Variants in KDM5B observed in about 807,000 individuals in gnomAD.
KDM5B encodes the protein lysine demethylase 5B.
KDM5B carries 144 observed loss-of-function variants against 193.4 expected under a neutral mutation model. The observed-to-expected ratio is 0.74, with a 90% CI of 0.65 to 0.86. KDM5B has a LOEUF of 0.86. KDM5B is among the 40% of genes least tolerant of loss of function. The pLI is 0.00. For missense variants in KDM5B, 1,833 were observed against 1,886.9 expected (o/e 0.97, Z 0.53); for synonymous variants, 668 against 682.6 (o/e 0.98, Z 0.33).
At chr1:202,776,335 C>G (rs1656955179) in intron 2 of KDM5B, 1 of 152,108 alleles carries the variant, frequency 6.6e-6, no homozygotes, top group South Asian at 2.1e-4. Flanking sequence ...GTGATGTAAG[C>G]AGGCACTCTG....
At chr1:202,788,041 G>A (rs1156457928) in intron 1 of KDM5B, among the ~76,000 whole-genome samples, 3 of 152,112 alleles carry the variant, frequency 2.0e-5, no homozygotes, top group Admixed American at 6.6e-5. Context: ...CCTATTGAAC[G>A]CCCTGCAGAA....
At chr1:202,800,191 C>G (rs1397697033) in intron 1 of KDM5B, among the ~76,000 whole-genome samples, 1 of 151,856 alleles carries the variant, frequency 6.6e-6, no homozygotes, top group Non-Finnish European at 1.5e-5. Context: ...ACTACAGGTG[C>G]GTACCACCAC....
At chr1:202,807,082 G>A (rs995812488) in intron 1 of KDM5B, 2 of 152,356 alleles carry the variant, frequency 1.3e-5, no homozygotes, top group African/African-American at 4.8e-5. Flanking sequence ...CTGCCCCCAG[G>A]CCCGAGGCGC....
intron 2 of KDM5B, among the ~76,000 whole-genome samples, chr1:202,776,675 C>T (rs1187711184): frequency 6.6e-6 from 1 of 152,172 alleles, no homozygotes; most frequent in Non-Finnish European, 1.5e-5. Flanking sequence ...AATCCACCCA[C>T]CTCAGCCTCC....
chr1:202,772,729 G>A (rs964605466), intron 4 of KDM5B, among the ~76,000 whole-genome samples: 12 of 150,080 alleles, frequency 8.0e-5, no homozygotes, highest in Non-Finnish European at 7.4e-5. Flanking sequence ...TCAGAGTCTC[G>A]CTCTTTGCCC....
intron 1 of KDM5B, among the ~76,000 whole-genome samples, chr1:202,803,399 T>C (rs1015745027): frequency 6.6e-6 from 1 of 152,172 alleles, no homozygotes; most frequent in Admixed American, 6.5e-5. Context: ...TGTTTATTAG[T>C]TCACTAAGAA....
At chr1:202,757,013 C>A (rs549902960) in intron 9 of KDM5B, among the ~76,000 whole-genome samples, 1 of 151,864 alleles carries the variant, frequency 6.6e-6, no homozygotes, top group Non-Finnish European at 1.5e-5. Flanking sequence ...GCCAGTGTCC[C>A]TGTGTTTTTG....
chr1:202,747,580 A>AAC (rs1655611821), intron 14 of KDM5B, among the ~76,000 whole-genome samples: 1 of 151,842 alleles, frequency 6.6e-6, no homozygotes, highest in South Asian at 2.1e-4. Context: ...AAAAAAAAAA[A>AAC]AAAAAACAGT....
rs1372593552 is a variant in KDM5B at position 202,735,584 on chromosome 1, G to C, written c.3268C>G (p.Leu1090Val). The C allele has an allele frequency of 6.2e-7, 1 of 1,613,310 alleles. No homozygotes were observed. Among genetic ancestry groups the C allele is most frequent in the Non-Finnish European group, 8.5e-7 (1 of 1,179,498 alleles). The change falls in exon 22 of 27, where the codon CTG (leucine) becomes GTG (valine). Residue 1090 changes from leucine to valine, a missense_variant. Coordinates refer to ENST00000367265, the MANE Select transcript of KDM5B (RefSeq NM_006618.5). ...AGGCCAATATCACATCGAGGACACA[G>C]CACCTAATGTGGGACAAGGCACAAC... ...ENSPYSLLEVLCPRCDIGLLG... is the reference protein window; with the variant it reads ...ENSPYSLLEVVCPRCDIGLLG...
At chr1:202,794,517 A>G (rs1314308009) in intron 1 of KDM5B, among the ~76,000 whole-genome samples, 1 of 152,260 alleles carries the variant, frequency 6.6e-6, no homozygotes, top group Admixed American at 6.5e-5. Context: ...AGAATGCACA[A>G]CAATCTGCCT....
chr1:202,761,565 T>C (rs1656250536), intron 7 of KDM5B, among the ~76,000 whole-genome samples: 2 of 152,172 alleles, frequency 1.3e-5, no homozygotes, highest in East Asian at 3.9e-4. Flanking sequence ...CATGTTGAAG[T>C]CCTAACCCTC....
chr1:202,802,135 A>G (rs1658100236), intron 1 of KDM5B, among the ~76,000 whole-genome samples: 1 of 152,208 alleles, frequency 6.6e-6, no homozygotes, highest in Admixed American at 6.5e-5. Flanking sequence ...TAGTTTTTCA[A>G]ACCTATAGAT....
At chr1:202,765,448 A>T (rs183626734) in intron 5 of KDM5B, among the ~76,000 whole-genome samples, 300 of 152,340 alleles carry the variant, frequency 2.0e-3, no homozygotes, top group Non-Finnish European at 3.8e-3. Context: ...GTCCACTGCT[A>T]AAAGAGTTTA....
At chr1:202,784,983 C>A (rs1436521580) in intron 1 of KDM5B, among the ~76,000 whole-genome samples, 15 of 148,254 alleles carry the variant, frequency 1.0e-4, no homozygotes, top group African/African-American at 3.7e-4. Flanking sequence ...GCACTCCAGC[C>A]TAGATGACAA....
chr1:202,754,649 A>G (rs373796755), intron 11 of KDM5B, among the ~76,000 whole-genome samples: 78 of 152,376 alleles, frequency 5.1e-4, no homozygotes, highest in African/African-American at 1.8e-3. Flanking sequence ...TAGTAAAAGT[A>G]ACTTTTATTT....
rs1655307198 is a variant in KDM5B at position 202,740,809 on chromosome 1, T to C, written c.2949A>G (p.Pro983=). Residue 983 remains proline, a synonymous_variant, in exon 20 of 27, where the codon CCA becomes CCG. Coordinates refer to ENST00000367265, the MANE Select transcript of KDM5B (RefSeq NM_006618.5). ...DKAKSLLKAR[P]RHSLNSLATA... Reference sequence around the variant, plus strand: ...TAGCAAGGCTATTCAATGAATGTCGTGGCCTACAAAATGCAAACAAAGACT... The same window carrying C: ...TAGCAAGGCTATTCAATGAATGTCGCGGCCTACAAAATGCAAACAAAGACT... 6.2e-7 allele frequency: 1 copy of C among 1,607,578 alleles called. No homozygotes were observed. The highest frequency in any genetic ancestry group is 1.3e-5 in the African/African-American group (1 of 74,728).
chr1:202,753,176 A>G (rs1655864512), intron 11 of KDM5B, 109 bp from the exon 12 acceptor site: 2 of 904,172 alleles, frequency 2.2e-6, no homozygotes, highest in South Asian at 3.3e-5. Context: ...CAAAAAAGGA[A>G]TCCACAAACT....
chr1:202,736,393 CTAA>C lies in KDM5B; in HGVS notation c.3085-4_3085-2del, dbSNP rs1341485164. On this transcript the variant is annotated splice_acceptor_variant and splice_polypyrimidine_tract_variant and intron_variant, in intron 20 of 26. Coordinates refer to ENST00000367265, the MANE Select transcript of KDM5B (RefSeq NM_006618.5). LOFTEE classifies it high-confidence loss of function. The stretch of plus-strand genomic sequence containing the variant: ...CTAACACTGGCACACGTCCTCCAGC[CTAA>C]TAAGTCAAGAAAAATTACAGCAGTT... The C allele has an allele frequency of 5.2e-6, 8 of 1,538,632 alleles. No individual in the cohort carries two copies. The Admixed American group carries it at 1.7e-4, about 33-fold the overall frequency.
intron 2 of KDM5B, among the ~76,000 whole-genome samples, chr1:202,776,816 T>G (rs1323918332): frequency 6.6e-6 from 1 of 152,160 alleles, no homozygotes; most frequent in Non-Finnish European, 1.5e-5. Context: ...GTGCTGAGAT[T>G]ACAAGTGTGA....
Sources: allele counts gnomAD v4.1 joint callset (sites outside exome capture counted in the v4.1 genomes callset), GRCh38; gene constraint gnomAD v4.1.1; transcripts MANE v1.5; gene names NCBI Gene and HGNC (gene_info 2026-07-23, HGNC 2026-07-21).